FRK: variants seen among roughly 807,000 people sequenced by gnomAD.
FRK encodes the protein tyrosine-protein kinase FRK.
A neutral mutation model predicts 56.4 loss-of-function variants in FRK; 51 were observed. The observed-to-expected ratio is 0.90, with a 90% CI of 0.72 to 1.14. FRK has a LOEUF of 1.14. Ranked by LOEUF, FRK falls within the 50% of genes most tolerant of loss-of-function variation. FRK has a pLI of 0.00. For synonymous variants in FRK, 245 were observed against 217.9 expected (o/e 1.12, Z -1.10); for missense variants, 570 against 601.4 (o/e 0.95, Z 0.55).
chr6:115,987,082 CA>C (rs1774424911), intron 2 of FRK, among the ~76,000 whole-genome samples: 2 of 152,070 alleles, frequency 1.3e-5, no homozygotes, highest in Non-Finnish European at 2.9e-5. Flanking sequence ...TGCCAAGCTA[CA>C]ATCATGGGAC....
upstream of FRK, among the ~76,000 whole-genome samples, chr6:116,062,147 T>C (rs1326970501): frequency 6.6e-6 from 1 of 152,180 alleles, no homozygotes; most frequent in African/African-American, 2.4e-5. Context: ...TCTTGTGTTA[T>C]GCTCCCAAGT....
chr6:116,036,928 T>C (rs1776506413), intron 1 of FRK, among the ~76,000 whole-genome samples: 1 of 152,192 alleles, frequency 6.6e-6, no homozygotes. Flanking sequence ...AATTTCATAT[T>C]CTACATGTGA....
In FRK at chr6:116,059,892, T is replaced by C; in HGVS notation, c.344+76A>G. 4.0e-6 allele frequency: 5 copies of C among 1,252,530 alleles called. No individual in the cohort carries two copies. In the South Asian group the frequency reaches 5.7e-5, roughly 14 times the overall value. The allele number at this position is 1,252,530 out of a possible 1,614,324, so 77.6% of individuals were successfully genotyped here. A position where few individuals can be genotyped will look rare whatever the true frequency, so the allele number is the denominator to read the frequency against. Reference sequence around the variant, plus strand: ...CAACTCTTTGGACATTAGGGGGTTGTAGAGAAGTAGAAAGGAAAACTCATT... The same window carrying C: ...CAACTCTTTGGACATTAGGGGGTTGCAGAGAAGTAGAAAGGAAAACTCATT... On this transcript the variant is annotated intron_variant, in intron 1 of 7. Transcript: ENST00000606080.
chr6:116,029,322 T>C (rs1391862980), intron 1 of FRK, among the ~76,000 whole-genome samples: 1 of 152,160 alleles, frequency 6.6e-6, no homozygotes, highest in Non-Finnish European at 1.5e-5. Flanking sequence ...AACTTGAGAA[T>C]AGGGATTTTT....
intron 3 of FRK, 138 bp downstream of exon 3, chr6:115,968,438 G>T: frequency 1.3e-6 from 1 of 790,656 alleles, no homozygotes; most frequent in Non-Finnish European, 2.1e-6. Flanking sequence ...GAGCTCATAG[G>T]CCATGGTTTG....
At chr6:116,081,537 A>T in the FRK span, among the ~76,000 whole-genome samples, 1 of 152,138 alleles carries the variant, frequency 6.6e-6, no homozygotes, top group Non-Finnish European at 1.5e-5. Flanking sequence ...GGGTGCCTGT[A>T]ATCCTAGCTA....
chr6:116,046,491 T>A (rs1451060406), intron 1 of FRK, among the ~76,000 whole-genome samples: 1 of 152,164 alleles, frequency 6.6e-6, no homozygotes, highest in African/African-American at 2.4e-5. Flanking sequence ...GGGACAAGGA[T>A]GAAGCTGGAA....
intron 2 of FRK, among the ~76,000 whole-genome samples, chr6:115,977,331 C>G (rs888492351): frequency 1.3e-5 from 2 of 152,096 alleles, no homozygotes; most frequent in Non-Finnish European, 2.9e-5. Flanking sequence ...AAGAGTTGTT[C>G]TCTCCTTTCC....
chr6:115,966,541 G>C (rs569561763), intron 4 of FRK, among the ~76,000 whole-genome samples: 1 of 152,266 alleles, frequency 6.6e-6, no homozygotes, highest in South Asian at 2.1e-4. Context: ...TATGCTGCTA[G>C]CCAACAAATC....
the FRK span, among the ~76,000 whole-genome samples, chr6:116,099,731 T>C: frequency 6.6e-6 from 1 of 152,250 alleles, no homozygotes; most frequent in Non-Finnish European, 1.5e-5. Context: ...CTGATTGGTC[T>C]ATTAGCCTCA....
the FRK span, among the ~76,000 whole-genome samples, chr6:116,099,892 A>T: frequency 1.2e-4 from 18 of 152,254 alleles, no homozygotes; most frequent in Admixed American, 6.5e-5. Flanking sequence ...TTTTCTTTTT[A>T]AAATGAGGTA....
chr6:116,070,208 A>G, the FRK span, among the ~76,000 whole-genome samples: 1 of 151,920 alleles, frequency 6.6e-6, no homozygotes, highest in African/African-American at 2.4e-5. Flanking sequence ...AATCAGAAAT[A>G]ACCAACCCTG....
chr6:115,942,605 T>G lies in FRK; in HGVS notation c.1327A>C (p.Ile443Leu). The stretch of plus-strand genomic sequence containing the variant: ...CTATAGTTTTGAGCCAACATCTGGA[T>G]TACCTGGGCACCTGTCATACCTTGA... Reference protein sequence around the residue: ...PYSGMTGAQVIQMLAQNYRLP... With the variant: ...PYSGMTGAQVLQMLAQNYRLP... The change falls in exon 8 of 8, where the codon ATC (isoleucine) becomes CTC (leucine). Residue 443 changes from isoleucine (I) to leucine (L), a missense_variant. Physicochemically the swap from Ile to Leu is conservative, Grantham distance 5. Transcript: ENST00000606080. 1 of 1,613,548 alleles carries G rather than the reference T, an allele frequency of 6.2e-7. No individual in the cohort carries two copies. The highest frequency in any genetic ancestry group is 8.5e-7 in the Non-Finnish European group (1 of 1,179,630).
intron 1 of FRK, among the ~76,000 whole-genome samples, chr6:116,004,837 C>T (rs192320959): frequency 8.5e-5 from 13 of 152,202 alleles, no homozygotes; most frequent in African/African-American, 3.1e-4. Context: ...GCTGAGAATT[C>T]CTGCTTTTCA....
chr6:115,943,094 C>G lies in FRK; in HGVS notation c.1232G>C (p.Ser411Thr). Residue 411 changes from serine (S) to threonine (T), a missense_variant, in exon 7 of 8, where the codon AGC becomes ACC. Transcript: ENST00000606080. The part of the protein sequence containing the change: ...APEAIRSNKF[S>T]IKSDVWSFGI... ...AAATGACCATACATCGGACTTAATG[C>G]TGAATTTATTACTACGAATGGCTTC... The G allele has an allele frequency of 6.2e-7, 1 of 1,613,412 alleles. No homozygotes were observed. The highest frequency in any genetic ancestry group is 8.5e-7 in the Non-Finnish European group (1 of 1,179,684).
At chr6:116,026,875 T>G (rs1324360346) in intron 1 of FRK, among the ~76,000 whole-genome samples, 2 of 152,050 alleles carry the variant, frequency 1.3e-5, no homozygotes. Flanking sequence ...GCAAACTGAA[T>G]AGTGGAGAAA....
chr6:116,033,522 C>A (rs114302883), intron 1 of FRK, among the ~76,000 whole-genome samples: 7,365 of 152,092 alleles, frequency 0.048, 222 homozygotes, highest in Middle Eastern at 0.065. Context: ...ATTTTAAAAT[C>A]TAGGCTCTAA....
chr6:116,039,046 T>C (rs1582743935), intron 1 of FRK: 21 of 755,710 alleles, frequency 2.8e-5, no homozygotes, highest in Middle Eastern at 6.0e-4. Flanking sequence ...ACTCAGAGAG[T>C]AGGCATGTCT....
intron 1 of FRK, among the ~76,000 whole-genome samples, chr6:116,036,542 T>C (rs1422222888): frequency 6.6e-6 from 1 of 152,160 alleles, no homozygotes; most frequent in African/African-American, 2.4e-5. Context: ...GTGTGCTCAA[T>C]GACCTGTCAG....
Sources: gnomAD v4.1 joint callset for allele counts (sites outside exome capture counted in the v4.1 genomes callset) on GRCh38, gnomAD v4.1.1 for gene constraint, MANE v1.5 for transcripts, NCBI Gene and HGNC (gene_info 2026-07-23, HGNC 2026-07-21) for gene names.